Variants in UNC13C observed in about 807,000 individuals in gnomAD.
The protein encoded by UNC13C is unc-13 homolog C.
Under a neutral mutation model 245.4 loss-of-function variants are expected in UNC13C, and 174 were observed. The observed-to-expected ratio is 0.71, with a 90% CI of 0.63 to 0.80. The LOEUF (loss-of-function observed/expected upper bound fraction) is 0.80, where lower values mean the gene tolerates loss of function less well. Ranked by LOEUF, UNC13C falls within the 30% of genes least tolerant of loss-of-function variation. UNC13C has a pLI of 0.00. For missense variants in UNC13C, 2,829 were observed against 2,602.9 expected (o/e 1.09, Z -1.89); for synonymous variants, 992 against 895.1 (o/e 1.11, Z -1.93).
intron 2 of UNC13C, among the ~76,000 whole-genome samples, chr15:54,132,920 C>T (rs4774682): frequency 0.37 from 55,820 of 151,904 alleles, 10,327 homozygotes; most frequent in Admixed American, 0.39. Flanking sequence ...GGAGATCTCT[C>T]CTATTCAAAT....
At chr15:54,371,120 C>T (rs1274407837) in intron 17 of UNC13C, among the ~76,000 whole-genome samples, 1 of 152,048 alleles carries the variant, frequency 6.6e-6, no homozygotes, top group Admixed American at 6.6e-5. Flanking sequence ...CTTATTTCTC[C>T]TATCTAACTG....
At chr15:54,362,128 C>G (rs1596283068) in intron 17 of UNC13C, among the ~76,000 whole-genome samples, 1 of 152,296 alleles carries the variant, frequency 6.6e-6, no homozygotes, top group East Asian at 1.9e-4. Flanking sequence ...GAATAGCTGC[C>G]AAGATCTGTG....
intron 19 of UNC13C, among the ~76,000 whole-genome samples, chr15:54,417,470 A>G (rs967241425): frequency 1.3e-5 from 2 of 152,164 alleles, no homozygotes; most frequent in African/African-American, 4.8e-5. Context: ...GAAAGTTGAC[A>G]ATTAACCTTA....
At chr15:54,463,008 G>C (rs1219399512) in intron 19 of UNC13C, among the ~76,000 whole-genome samples, 2 of 151,802 alleles carry the variant, frequency 1.3e-5, no homozygotes, top group Middle Eastern at 3.2e-3. Flanking sequence ...GGGGTTTGTG[G>C]ATGCATCAAT....
At chr15:54,175,508 A>ATTTTTTTTTTT (rs55925649) in intron 4 of UNC13C, among the ~76,000 whole-genome samples, 16 of 105,986 alleles carry the variant, frequency 1.5e-4, no homozygotes, top group African/African-American at 5.7e-4. Flanking sequence ...TGGCCCTAGA[A>ATTTTTTTTTTT]TTTTTTTTTT....
chr15:54,607,523 T>C (rs1471518703), intron 30 of UNC13C, among the ~76,000 whole-genome samples: 2 of 152,172 alleles, frequency 1.3e-5, no homozygotes, highest in Admixed American at 1.3e-4. Flanking sequence ...TTGAGATCTA[T>C]TTTTTATTTT....
chr15:54,227,222 A>C (rs1190236994), intron 4 of UNC13C, among the ~76,000 whole-genome samples: 1 of 152,066 alleles, frequency 6.6e-6, no homozygotes, highest in Non-Finnish European at 1.5e-5. Context: ...ATGGGCTCAG[A>C]AGGGAGGAAG....
At chr15:54,448,276 G>T (rs940344487) in intron 19 of UNC13C, among the ~76,000 whole-genome samples, 18 of 152,180 alleles carry the variant, frequency 1.2e-4, no homozygotes, top group Non-Finnish European at 2.5e-4. Context: ...GAGTTCTGTA[G>T]ATGTCTAGTA....
intron 17 of UNC13C, among the ~76,000 whole-genome samples, chr15:54,348,481 A>T (rs936020685): frequency 6.6e-6 from 1 of 152,180 alleles, no homozygotes; most frequent in African/African-American, 2.4e-5. Flanking sequence ...ATTAATGCTT[A>T]CTAAATGAAA....
At chr15:54,176,221 G>C (rs1031956707) in intron 4 of UNC13C, among the ~76,000 whole-genome samples, 10 of 151,924 alleles carry the variant, frequency 6.6e-5, no homozygotes, top group African/African-American at 2.4e-4. Flanking sequence ...TTTTATTAAG[G>C]CTGCTTCCAG....
At chr15:53,933,911 G>A in the UNC13C span, among the ~76,000 whole-genome samples, 1 of 152,150 alleles carries the variant, frequency 6.6e-6, no homozygotes, top group Admixed American at 6.5e-5. Context: ...CTGAGACTGG[G>A]TATTTTATAA....
rs1160226028 is a variant in UNC13C at position 54,552,496 on chromosome 15, T to TA, written c.5877+2806dup. 7.6e-3 allele frequency among the ~76,000 whole-genome samples: 355 copies of TA among 46,602 alleles called. 1 individual carries two copies. The highest frequency in any genetic ancestry group is 9.4e-3 in the Non-Finnish European group (286 of 30,332). 30.6% of individuals were successfully genotyped at this position (46,602 alleles called of 152,430 possible). A position where few individuals can be genotyped will look rare whatever the true frequency, so the allele number is the denominator to read the frequency against. On this transcript the variant is annotated intron_variant, in intron 28 of 32. Transcript: ENST00000260323. ...TATATAATATAATTATATATTATAT[T>TA]ATATATAATTATATATTATATATTA...
intron 4 of UNC13C, among the ~76,000 whole-genome samples, chr15:54,207,941 G>A (rs2034765898): frequency 6.6e-6 from 1 of 152,070 alleles, no homozygotes; most frequent in Admixed American, 6.6e-5. Context: ...GTATGGCTTT[G>A]TCTCAGGCTA....
intron 18 of UNC13C, among the ~76,000 whole-genome samples, chr15:54,399,690 A>G (rs368139247): frequency 3.3e-5 from 5 of 152,040 alleles, no homozygotes; most frequent in East Asian, 1.9e-4. Flanking sequence ...TCCATTTGCA[A>G]GGATAAAATC....
chr15:54,076,072 T>TG (rs1898599939), intron 2 of UNC13C, among the ~76,000 whole-genome samples: 1 of 149,232 alleles, frequency 6.7e-6, no homozygotes, highest in South Asian at 2.1e-4. Context: ...TCTTTTTTTT[T>TG]TTTTTTCACT....
intron 19 of UNC13C, among the ~76,000 whole-genome samples, chr15:54,450,210 C>T (rs71474873): frequency 0.29 from 44,607 of 152,164 alleles, 7,021 homozygotes; most frequent in East Asian, 0.53. Flanking sequence ...TTAGGCTACT[C>T]GGGGGTCGGG....
chr15:54,215,258 T>C (rs2035005878), intron 4 of UNC13C, among the ~76,000 whole-genome samples: 1 of 151,990 alleles, frequency 6.6e-6, no homozygotes, highest in African/African-American at 2.4e-5. Context: ...TGTTGAAAGC[T>C]GCATTTAGGC....
At chr15:54,312,121 A>G (rs2037889896) in intron 13 of UNC13C, among the ~76,000 whole-genome samples, 4 of 151,808 alleles carry the variant, frequency 2.6e-5, no homozygotes, top group Admixed American at 2.6e-4. Context: ...AACGCCAACC[A>G]GAGATAACAC....
At chr15:53,922,512 C>G in the UNC13C span, among the ~76,000 whole-genome samples, 11 of 152,312 alleles carry the variant, frequency 7.2e-5, no homozygotes, top group East Asian at 2.1e-3. Context: ...TTTCCTGGCT[C>G]TTGGTCTTTC....
Sources: allele counts gnomAD v4.1 joint callset (sites outside exome capture counted in the v4.1 genomes callset), GRCh38; gene constraint gnomAD v4.1.1; transcripts MANE v1.5; gene names NCBI Gene and HGNC (gene_info 2026-07-23, HGNC 2026-07-21).